The following PDE1A variants were observed in gnomAD, a reference collection of about 807,000 sequenced individuals.
The protein encoded by PDE1A is phosphodiesterase 1A.
A neutral mutation model predicts 61.7 loss-of-function variants in PDE1A; 35 were observed. The observed-to-expected ratio is 0.57, with a 90% CI of 0.43 to 0.75. The LOEUF is 0.75. Ranked by LOEUF, PDE1A falls within the 30% of genes least tolerant of loss-of-function variation. The pLI, the probability that PDE1A is intolerant of heterozygous loss-of-function variation, is 0.00. For synonymous variants in PDE1A, 232 were observed against 213.2 expected (o/e 1.09, Z -0.77); for missense variants, 597 against 630.6 (o/e 0.95, Z 0.57).
the PDE1A span, among the ~76,000 whole-genome samples, chr2:182,555,342 T>A: frequency 2.8e-3 from 425 of 152,320 alleles, no homozygotes; most frequent in African/African-American, 9.0e-3. Flanking sequence ...AGAAGTAAGA[T>A]AACAGAATCA....
At chr2:182,426,882 G>A (rs1703657803) in exon 1 of PDE1A, 8 of 1,277,648 alleles carry the variant, frequency 6.3e-6, no homozygotes, top group Non-Finnish European at 7.9e-6. Context: ...ACCACCAAGA[G>A]TCACGTTGAT....
At chr2:182,526,922 G>A (rs1690780124), upstream of PDE1A, among the ~76,000 whole-genome samples, 2 of 151,848 alleles carry the variant, frequency 1.3e-5, no homozygotes, top group Admixed American at 1.3e-4. Flanking sequence ...CTATGTTTCT[G>A]ATTTTTCTCA....
intron 1 of PDE1A, among the ~76,000 whole-genome samples, chr2:182,368,436 C>A (rs1035193115): frequency 3.4e-5 from 5 of 147,946 alleles, no homozygotes; most frequent in African/African-American, 9.9e-5. Context: ...TTATTCATTC[C>A]ATTTATCTGT....
intron 1 of PDE1A, among the ~76,000 whole-genome samples, chr2:182,299,618 A>G (rs1198784633): frequency 6.6e-6 from 1 of 151,760 alleles, no homozygotes; most frequent in African/African-American, 2.4e-5. Flanking sequence ...AAATTTAATG[A>G]AACAACAGCT....
chr2:182,288,571 A>G (rs530512619), intron 1 of PDE1A, among the ~76,000 whole-genome samples: 3 of 152,210 alleles, frequency 2.0e-5, no homozygotes, highest in African/African-American at 7.2e-5. Flanking sequence ...GCAATTCAAT[A>G]CTTGCAATAA....
At chr2:182,306,768 T>C (rs1220896738) in intron 1 of PDE1A, among the ~76,000 whole-genome samples, 1 of 152,172 alleles carries the variant, frequency 6.6e-6, no homozygotes, top group East Asian at 1.9e-4. Flanking sequence ...AGAATGACAT[T>C]GGATCCTTAT....
intron 2 of PDE1A, among the ~76,000 whole-genome samples, chr2:182,257,871 T>C (rs1691935889): frequency 6.6e-6 from 1 of 152,154 alleles, no homozygotes; most frequent in Non-Finnish European, 1.5e-5. Context: ...TTGTAGATTT[T>C]TGAAAGCATC....
At chr2:182,406,812 A>T (rs1702322009) in intron 1 of PDE1A, among the ~76,000 whole-genome samples, 1 of 152,110 alleles carries the variant, frequency 6.6e-6, no homozygotes. Context: ...AAATGAAAAA[A>T]ATGCATTGAT....
At chr2:182,586,217 A>G in the PDE1A span, among the ~76,000 whole-genome samples, 2 of 152,220 alleles carry the variant, frequency 1.3e-5, no homozygotes, top group South Asian at 4.1e-4. Context: ...AGTGACAAAA[A>G]TATCTTATGG....
intron 2 of PDE1A, among the ~76,000 whole-genome samples, chr2:182,457,695 A>C (rs1686016166): frequency 6.6e-6 from 1 of 152,076 alleles, no homozygotes; most frequent in Non-Finnish European, 1.5e-5. Context: ...CTTACAAAAA[A>C]GCATGTACAG....
At chr2:182,413,475 G>C (rs16823184) in intron 1 of PDE1A, among the ~76,000 whole-genome samples, 1 of 152,086 alleles carries the variant, frequency 6.6e-6, no homozygotes. Context: ...GTTTTGTTAA[G>C]AATGATAAGA....
intron 2 of PDE1A, among the ~76,000 whole-genome samples, chr2:182,498,576 A>C (rs1320440267): frequency 6.6e-6 from 1 of 151,980 alleles, no homozygotes; most frequent in African/African-American, 2.4e-5. Context: ...TATTCTCCAT[A>C]CTGAAAGGCA....
chr2:182,238,844 C>G (rs1690274294), intron 3 of PDE1A, among the ~76,000 whole-genome samples: 1 of 152,142 alleles, frequency 6.6e-6, no homozygotes, highest in African/African-American at 2.4e-5. Context: ...ATAACCTTCT[C>G]TTGAATGGAA....
chr2:182,685,331 T>C, the PDE1A span, among the ~76,000 whole-genome samples: 1 of 152,134 alleles, frequency 6.6e-6, no homozygotes, highest in Admixed American at 6.6e-5. Flanking sequence ...TCACTGAAGT[T>C]TTTAGTAAAT....
At position 182,344,750 on chromosome 2, in the gene PDE1A, T is replaced by A. The variant is rs116212604; in HGVS notation, c.54-80336A>T. Among the ~76,000 whole-genome samples, 588 of 150,638 alleles carry A rather than the reference T, an allele frequency of 3.9e-3. 4 individuals carry two copies. In the East Asian group the frequency reaches 0.039, roughly 10 times the overall value. ...CTCTGTCTCTCTGTCTCTCTCTCTC[T>A]CACACACACACACACACACATACAC... On this transcript the variant is annotated intron_variant, in intron 1 of 13. Coordinates refer to ENST00000351439, the Ensembl canonical transcript of PDE1A.
At chr2:182,566,496 T>C in the PDE1A span, among the ~76,000 whole-genome samples, 3 of 151,160 alleles carry the variant, frequency 2.0e-5, no homozygotes, top group Non-Finnish European at 4.4e-5. Context: ...ATGCTATGCA[T>C]AATATAAATT....
At chr2:182,606,104 T>G in the PDE1A span, among the ~76,000 whole-genome samples, 1 of 152,186 alleles carries the variant, frequency 6.6e-6, no homozygotes, top group Non-Finnish European at 1.5e-5. Flanking sequence ...GTATGAAATA[T>G]CTCTATAGCA....
chr2:182,692,777 T>C, the PDE1A span, among the ~76,000 whole-genome samples: 2 of 151,496 alleles, frequency 1.3e-5, no homozygotes, highest in Non-Finnish European at 2.9e-5. Flanking sequence ...TGGTTATCTT[T>C]AAGAACCTTT....
At chr2:182,376,864 A>G (rs1700437796) in intron 1 of PDE1A, among the ~76,000 whole-genome samples, 1 of 152,210 alleles carries the variant, frequency 6.6e-6, no homozygotes, top group African/African-American at 2.4e-5. Context: ...CAGCAGGCAA[A>G]GAGAGAATGA....
Sources: allele counts gnomAD v4.1 joint callset (sites outside exome capture counted in the v4.1 genomes callset), GRCh38; gene constraint gnomAD v4.1.1; transcripts MANE v1.5; gene names NCBI Gene and HGNC (gene_info 2026-07-23, HGNC 2026-07-21).